Variants in CNTNAP5 observed in about 807,000 individuals in gnomAD.
CNTNAP5 encodes contactin associated protein family member 5, also known as contactin-associated protein-like 5.
CNTNAP5 carries 72 observed loss-of-function variants against 150.2 expected under a neutral mutation model. That is an observed-to-expected ratio of 0.48 (90% CI 0.40 to 0.58). The LOEUF is 0.58. Ranked by LOEUF, CNTNAP5 falls within the 20% of genes least tolerant of loss-of-function variation. The probability of loss-of-function intolerance (pLI) is 0.00; values close to 1 mark genes in which losing one functional copy is unlikely to be tolerated. For missense variants in CNTNAP5, 1,636 were observed against 1,626.2 expected (o/e 1.01, Z -0.10); for synonymous variants, 672 against 619.8 (o/e 1.08, Z -1.25).
At chr2:124,815,482 A>G (rs1314617358) in intron 19 of CNTNAP5, among the ~76,000 whole-genome samples, 1 of 152,186 alleles carries the variant, frequency 6.6e-6, no homozygotes, top group Non-Finnish European at 1.5e-5. Flanking sequence ...GTGAAAAGGA[A>G]TAGAAATGGG....
intron 21 of CNTNAP5, among the ~76,000 whole-genome samples, chr2:124,898,103 G>A: frequency 6.6e-6 from 1 of 151,134 alleles, no homozygotes; most frequent in Non-Finnish European, 1.5e-5. Flanking sequence ...AAGCCACAAT[G>A]AACTCCAGAG....
At chr2:124,895,671 C>T (rs1012721240) in intron 21 of CNTNAP5, among the ~76,000 whole-genome samples, 3 of 151,436 alleles carry the variant, frequency 2.0e-5, no homozygotes, top group Admixed American at 6.6e-5. Flanking sequence ...AACAGGAACC[C>T]TTTCTTCAAG....
intron 3 of CNTNAP5, among the ~76,000 whole-genome samples, chr2:124,408,842 A>G (rs1460452813): frequency 1.3e-5 from 2 of 152,160 alleles, no homozygotes; most frequent in African/African-American, 4.8e-5. Context: ...TCCTCCTCCA[A>G]AGGAATGCAG....
intron 3 of CNTNAP5, among the ~76,000 whole-genome samples, chr2:124,316,804 C>CAAAAAAAAAAAAAAAAAA (rs56812690): frequency 2.4e-4 from 13 of 54,766 alleles, no homozygotes; most frequent in East Asian, 7.6e-4. Flanking sequence ...GACTCCATCT[C>CAAAAAAAAAAAAAAAAAA]AAAAAAAAAA....
At chr2:124,369,110 G>A (rs980905103) in intron 3 of CNTNAP5, among the ~76,000 whole-genome samples, 2 of 152,136 alleles carry the variant, frequency 1.3e-5, no homozygotes, top group Non-Finnish European at 2.9e-5. Context: ...TGGACCCCTG[G>A]CTGTCTTACA....
chr2:124,091,691 G>A (rs758659958), intron 1 of CNTNAP5, among the ~76,000 whole-genome samples: 14 of 152,114 alleles, frequency 9.2e-5, no homozygotes, highest in Admixed American at 7.9e-4. Flanking sequence ...GAGCTCTAAC[G>A]TTTTCCTGGA....
chr2:124,607,350 C>T (rs2104981320), intron 11 of CNTNAP5, among the ~76,000 whole-genome samples: 1 of 152,270 alleles, frequency 6.6e-6, no homozygotes, highest in East Asian at 1.9e-4. Flanking sequence ...CAGGCTCACT[C>T]CTGTGGGCCT....
rs1156744323 is a variant in CNTNAP5, at chr2:124,451,029, T to TAAAAAAAAAA, written c.918+4106_918+4115dup. ...GGTAGCAGAATAGGACCATGTCTCT[T>TAAAAAAAAAA]AAAAAAAAAAAAAAAAAAAAAAATA... is the stretch of plus-strand genomic sequence containing the variant. On this transcript the variant is annotated intron_variant, in intron 6 of 23. Transcript: ENST00000682447. Among the ~76,000 whole-genome samples, 6 of 20,060 alleles carry TAAAAAAAAAA rather than the reference T, an allele frequency of 3.0e-4. 1 individual carries two copies. Among genetic ancestry groups the TAAAAAAAAAA allele is most frequent in the African/African-American group, 6.0e-4 (3 of 5,008 alleles). 13.2% of individuals were successfully genotyped at this position (20,060 alleles called of 152,430 possible).
In CNTNAP5 at chr2:124,901,419, GA is replaced by G. The variant is rs1172111376; in HGVS notation, c.3437-1461del. Among the ~76,000 whole-genome samples the G allele has an allele frequency of 6.8e-5, 10 of 147,468 alleles. No individual in the cohort carries two copies. In the East Asian group the frequency reaches 1.7e-3, roughly 26 times the overall value. On this transcript the variant is annotated intron_variant, in intron 21 of 23. Coordinates refer to ENST00000682447, the MANE Select transcript of CNTNAP5 (RefSeq NM_001367498.1). Reference sequence around the variant, plus strand: ...AAAAGTGAAAGAAGGAGATAGAAGAGAATTATAGGTTGAAGTAAGTATGAAA... The same window carrying G: ...AAAAGTGAAAGAAGGAGATAGAAGAGATTATAGGTTGAAGTAAGTATGAAA...
chr2:124,729,162 A>G (rs990260299), intron 13 of CNTNAP5, among the ~76,000 whole-genome samples: 6 of 152,084 alleles, frequency 3.9e-5, no homozygotes, highest in East Asian at 1.9e-4. Context: ...CTCAGATTCA[A>G]GAGGAGACAC....
In CNTNAP5 at chr2:124,919,016, T is replaced by C. The variant is rs2104776307; in HGVS notation, c.*4728T>C. Among the ~76,000 whole-genome samples, 1 of 152,232 alleles carries C rather than the reference T, an allele frequency of 6.6e-6. No individual in the cohort carries two copies. Among genetic ancestry groups the C allele is most frequent in the East Asian group, 1.9e-4 (1 of 5,156 alleles). On this transcript the variant is annotated 3_prime_UTR_variant, in exon 24 of 24. Transcript: ENST00000682447. ...ACCTCTTCTTTTATCCCCTCTTTCATAGTCTTGTTTGTGGAACCATCTACT... is the reference window on the plus strand; with the variant it reads ...ACCTCTTCTTTTATCCCCTCTTTCACAGTCTTGTTTGTGGAACCATCTACT...
intron 13 of CNTNAP5, among the ~76,000 whole-genome samples, chr2:124,726,030 T>G (rs1573575959): frequency 6.6e-6 from 1 of 152,210 alleles, no homozygotes; most frequent in East Asian, 1.9e-4. Context: ...TTTAAATTAT[T>G]TTGTGGAACC....
At chr2:124,291,267 T>G (rs1456952718) in intron 3 of CNTNAP5, among the ~76,000 whole-genome samples, 3 of 152,218 alleles carry the variant, frequency 2.0e-5, no homozygotes, top group South Asian at 4.1e-4. Context: ...CTGTTAAAAT[T>G]TTGGTGTTTT....
intron 13 of CNTNAP5, among the ~76,000 whole-genome samples, chr2:124,722,081 A>G (rs1222318241): frequency 6.6e-6 from 1 of 152,014 alleles, no homozygotes; most frequent in African/African-American, 2.4e-5. Flanking sequence ...TTTTTAAAAG[A>G]CCTTATATCT....
At chr2:124,874,604 A>G (rs1677816488) in intron 21 of CNTNAP5, among the ~76,000 whole-genome samples, 1 of 152,000 alleles carries the variant, frequency 6.6e-6, no homozygotes, top group South Asian at 2.1e-4. Flanking sequence ...AACAAAAACT[A>G]CTATTGTTTG....
At chr2:124,223,474 G>A (rs982285759) in intron 2 of CNTNAP5, among the ~76,000 whole-genome samples, 15 of 151,990 alleles carry the variant, frequency 9.9e-5, no homozygotes, top group African/African-American at 3.1e-4. Flanking sequence ...CTTACAGCAG[G>A]GTAGAGAACT....
chr2:124,310,316 A>G (rs1487945891), intron 3 of CNTNAP5, among the ~76,000 whole-genome samples: 1 of 151,974 alleles, frequency 6.6e-6, no homozygotes, highest in Admixed American at 6.6e-5. Flanking sequence ...TTGTGAGTGG[A>G]AAAGGAGGGA....
Position 124,751,589 on chromosome 2 carries a change from C to T in CNTNAP5, c.2234+4204C>T, listed in dbSNP as rs1034871024. Reference sequence around the variant, plus strand: ...TTAATCAAGTTCAACATACATGCAACTTATTTCTTGACAACTGACTTTCCA... The same window carrying T: ...TTAATCAAGTTCAACATACATGCAATTTATTTCTTGACAACTGACTTTCCA... On this transcript the variant is annotated intron_variant, in intron 14 of 23. Transcript: ENST00000682447. 1.2e-4 allele frequency among the ~76,000 whole-genome samples: 18 copies of T among 152,352 alleles called. 1 individual carries two copies. Among genetic ancestry groups the T allele is most frequent in the East Asian group, 7.7e-4 (4 of 5,180 alleles).
At chr2:124,569,096 T>C (rs1169998486) in intron 11 of CNTNAP5, among the ~76,000 whole-genome samples, 1 of 152,124 alleles carries the variant, frequency 6.6e-6, no homozygotes. Context: ...CCACAAGTTC[T>C]ATGGTTTACT....
Sources: gnomAD v4.1 joint callset for allele counts (sites outside exome capture counted in the v4.1 genomes callset) on GRCh38, gnomAD v4.1.1 for gene constraint, MANE v1.5 for transcripts, NCBI Gene and HGNC (gene_info 2026-07-23, HGNC 2026-07-21) for gene names.